Variants in MORC3 observed in about 807,000 individuals in gnomAD.
The protein encoded by MORC3 is MORC family CW-type zinc finger protein 3.
A neutral mutation model predicts 109.1 loss-of-function variants in MORC3; 31 were observed. The observed-to-expected ratio is 0.28, with a 90% confidence interval of 0.21 to 0.38. MORC3 has a LOEUF of 0.38. Among genes scored for constraint, MORC3 ranks in the 10% least tolerant of loss-of-function variants. The probability of loss-of-function intolerance (pLI) is 1.00; values close to 1 mark genes in which losing one functional copy is unlikely to be tolerated. For synonymous variants in MORC3, 395 were observed against 380.7 expected (o/e 1.04, Z -0.44); for missense variants, 867 against 1,135.8 (o/e 0.76, Z 3.40).
rs1441211654 is a variant in MORC3 at position 36,338,799 on chromosome 21, A to G, written c.486A>G (p.Ser162=). 1 of 1,613,894 alleles carries G rather than the reference A, an allele frequency of 6.2e-7. No individual in the cohort carries two copies. Among genetic ancestry groups the G allele is most frequent in the Non-Finnish European group, 8.5e-7 (1 of 1,179,812 alleles). Residue 162 remains serine, a synonymous_variant, in exon 5 of 17, where the codon TCA becomes TCG. Transcript: ENST00000400485. The stretch of plus-strand genomic sequence containing the variant: ...GACAGATGATTAATTTAGCAGAATC[A>G]AAAGCCAGCCTTGCTGCAATTCTGG... The part of the protein sequence containing the change: ...KHRQMINLAE[S]KASLAAILEH...
chr21:36,359,848 A>G lies in MORC3; in HGVS notation c.1209-107A>G, dbSNP rs922261471. Reference sequence around the variant, plus strand: ...AAAGAGTTACGTCATAATTTTTAGGAAAGGAATTAAATAATGGCATCTTGT... The same window carrying G: ...AAAGAGTTACGTCATAATTTTTAGGGAAGGAATTAAATAATGGCATCTTGT... On this transcript the variant is annotated intron_variant, in intron 10 of 16. Transcript: ENST00000400485. 4.4e-5 allele frequency: 65 copies of G among 1,477,716 alleles called. No individual in the cohort carries two copies. In the South Asian group the frequency reaches 7.2e-4, roughly 16 times the overall value. The allele number at this position is 1,477,716 out of a possible 1,614,324, so 91.5% of individuals were successfully genotyped here.
intron 1 of MORC3, 74 bp from the exon 2 acceptor site, chr21:36,333,572 G>T: frequency 5.7e-6 from 7 of 1,218,488 alleles, no homozygotes; most frequent in Non-Finnish European, 7.3e-6. Context: ...GTTTAACACA[G>T]GGATAAAAAT....
At position 36,375,256 on chromosome 21, in the gene MORC3, G is replaced by A. The variant is rs773340709; in HGVS notation, c.2780G>A (p.Gly927Glu). 1.9e-6 allele frequency: 3 copies of A among 1,613,622 alleles called. No homozygotes were observed. Among genetic ancestry groups the A allele is most frequent in the East Asian group, 2.2e-5 (1 of 44,866 alleles). The change falls in exon 17 of 17, where the codon GGA (glycine) becomes GAA (glutamate). Residue 927 changes from glycine to glutamate, a missense_variant. This residue lies in a region of MORC3 where 34 missense variants were observed against 35.2 expected (regional missense o/e 0.97). Transcript: ENST00000400485. The part of the protein sequence containing the change: ...YDVDVVDEIL[G>E]QVVEQMSEIS... The stretch of plus-strand genomic sequence containing the variant: ...GTTGATGTAGTTGATGAGATTTTAG[G>A]ACAAGTTGTTGAACAAATGAGTGAA...
chr21:36,371,820 T>G (rs8131608), intron 15 of MORC3, among the ~76,000 whole-genome samples: 33,590 of 147,250 alleles, frequency 0.23, 4,803 homozygotes, highest in East Asian at 0.55. Context: ...GTTTTGTTTT[T>G]TTTTTTTTTT....
chr21:36,373,403 C>T (rs952607162), intron 16 of MORC3, among the ~76,000 whole-genome samples: 7 of 151,988 alleles, frequency 4.6e-5, no homozygotes, highest in Non-Finnish European at 1.0e-4. Context: ...ATGGGTGGAT[C>T]ACTTGAGGTC....
intron 8 of MORC3, chr21:36,348,135 C>T (rs1038844447): frequency 2.6e-5 from 4 of 152,140 alleles, no homozygotes; most frequent in Non-Finnish European, 5.9e-5. Context: ...GTTAGTCACA[C>T]GTAGATAATC....
At chr21:36,371,606 T>A (rs536394724) in intron 15 of MORC3, among the ~76,000 whole-genome samples, 25 of 152,346 alleles carry the variant, frequency 1.6e-4, no homozygotes, top group Non-Finnish European at 3.2e-4. Flanking sequence ...GTGTGGTTTC[T>A]ATAGAATGCA....
In MORC3 at chr21:36,353,755, A is replaced by ATTTTTTTTTTTTTTTTTTT. The variant is rs1202729285; in HGVS notation, c.1104-2861_1104-2843dup. On this transcript the variant is annotated intron_variant, in intron 9 of 16. Transcript: ENST00000400485. The stretch of plus-strand genomic sequence containing the variant: ...GCCACCAAGCCCGGCTAATTTTTGT[A>ATTTTTTTTTTTTTTTTTTT]TTTTTTTTTTTTTTTTTTTTTTAGT... Among the ~76,000 whole-genome samples, 77 of 70,988 alleles carry ATTTTTTTTTTTTTTTTTTT rather than the reference A, an allele frequency of 1.1e-3. 11 individuals carry two copies. The highest frequency in any genetic ancestry group is 6.7e-3 in the East Asian group (11 of 1,646). The allele number at this position is 70,988 out of a possible 152,430, so 46.6% of individuals were successfully genotyped here.
chr21:36,373,113 G>C lies in MORC3; in HGVS notation c.2666+582G>C, dbSNP rs565545630. 2.0e-5 allele frequency among the ~76,000 whole-genome samples: 3 copies of C among 152,324 alleles called. No homozygotes were observed. In the East Asian group the frequency reaches 5.8e-4, roughly 29 times the overall value. On this transcript the variant is annotated intron_variant, in intron 16 of 16. Coordinates refer to ENST00000400485, the MANE Select transcript of MORC3 (RefSeq NM_015358.3). ...CTAGCACTTTGGGAGGCTGAGTTGG[G>C]CGGATCACCTGAGGTCAGGAGTTCA...
intron 1 of MORC3, among the ~76,000 whole-genome samples, chr21:36,326,427 G>A (rs2085248680): frequency 2.0e-5 from 3 of 151,802 alleles, no homozygotes; most frequent in African/African-American, 7.3e-5. Context: ...TCCAGAGGCT[G>A]AGGCAGGAGA....
chr21:36,326,667 A>G lies in MORC3; in HGVS notation c.39+6364A>G, dbSNP rs145956770. 1.1e-4 allele frequency among the ~76,000 whole-genome samples: 16 copies of G among 152,292 alleles called. No homozygotes were observed. The East Asian group carries it at 2.5e-3, about 24-fold the overall frequency. On this transcript the variant is annotated intron_variant, in intron 1 of 16. Transcript: ENST00000400485. ...AATAAGGGGAGACTGCTGTACTCCT[A>G]TCAGTGGAATTATACAATATTTGAC...
At chr21:36,335,611 C>T (rs1192417640) in intron 2 of MORC3, among the ~76,000 whole-genome samples, 1 of 152,166 alleles carries the variant, frequency 6.6e-6, no homozygotes, top group East Asian at 1.9e-4. Context: ...CCGCTGCGCC[C>T]AGCCCTATTT....
At chr21:36,358,967 C>T (rs1441171765) in intron 10 of MORC3, among the ~76,000 whole-genome samples, 1 of 152,104 alleles carries the variant, frequency 6.6e-6, no homozygotes, top group African/African-American at 2.4e-5. Context: ...GCATGAGCCA[C>T]CGCGCCCAGC....
Position 36,356,744 on chromosome 21 carries a change from A to C in MORC3, c.1208+20A>C. The C allele has an allele frequency of 7.1e-7, 1 of 1,413,600 alleles. No individual in the cohort carries two copies. Among genetic ancestry groups the C allele is most frequent in the Non-Finnish European group, 9.8e-7 (1 of 1,019,268 alleles). 87.6% of individuals were successfully genotyped at this position (1,413,600 alleles called of 1,614,324 possible). On this transcript the variant is annotated intron_variant, in intron 10 of 16. Coordinates refer to ENST00000400485, the MANE Select transcript of MORC3 (RefSeq NM_015358.3). ...TATACAGTAAGTACATTTTTAAAAC[A>C]TATCATTTCACTTAGATATCAAGAT...
At chr21:36,342,507 A>G (rs1021509799) in intron 6 of MORC3, among the ~76,000 whole-genome samples, 5 of 151,986 alleles carry the variant, frequency 3.3e-5, no homozygotes, top group Non-Finnish European at 5.9e-5. Context: ...GCCCCAAGCA[A>G]TCCTTCCACC....
chr21:36,368,316 A>G (rs1052848555), intron 14 of MORC3, among the ~76,000 whole-genome samples: 3 of 145,874 alleles, frequency 2.1e-5, no homozygotes, highest in African/African-American at 7.4e-5. Flanking sequence ...GCAAATGAAA[A>G]TGGTGGTGCC....
chr21:36,362,308 C>T (rs1012577389), intron 13 of MORC3, 80 bp downstream of exon 13: 22 of 1,454,832 alleles, frequency 1.5e-5, no homozygotes, highest in East Asian at 7.5e-5. Flanking sequence ...TTTGGGAGGC[C>T]GAGGCAGGTG....
chr21:36,344,504 C>G, intron 6 of MORC3, 75 bp from the exon 7 acceptor site: 1 of 1,475,976 alleles, frequency 6.8e-7, no homozygotes, highest in African/African-American at 1.4e-5. Flanking sequence ...AATAGGAGAG[C>G]TTCTGTGTAA....
In MORC3 at chr21:36,338,899, A is replaced by T. The variant is rs766718951; in HGVS notation, c.586A>T (p.Ile196Phe). The change falls in exon 5 of 17, where the codon ATC becomes TTC. Residue 196 changes from isoleucine to phenylalanine, a missense_variant. By Grantham distance (21) the Ile-to-Phe change is conservative. Transcript: ENST00000400485. ...TATTATAGGCAAGAAGGGGACGAGG[A>T]TCATCATTTGGAATCTTAGAAGGTA... Reference protein sequence around the residue: ...DAIIGKKGTRIIIWNLRSYKN... With the variant: ...DAIIGKKGTRFIIWNLRSYKN... 1.9e-6 allele frequency: 3 copies of T among 1,614,030 alleles called. No homozygotes were observed. The highest frequency in any genetic ancestry group is 2.5e-6 in the Non-Finnish European group (3 of 1,179,974).
Sources: gnomAD v4.1 joint callset for allele counts (sites outside exome capture counted in the v4.1 genomes callset) on GRCh38, gnomAD v4.1.1 for gene constraint, gnomAD v4.1.1 regional missense constraint, MANE v1.5 for transcripts, NCBI Gene and HGNC (gene_info 2026-07-23, HGNC 2026-07-21) for gene names.